Variants in CNTNAP2 observed in about 807,000 individuals in gnomAD.
The protein encoded by CNTNAP2 is contactin associated protein 2.
A neutral mutation model predicts 155.2 loss-of-function variants in CNTNAP2; 98 were observed. The ratio of observed to expected loss-of-function variants is 0.63; its 90% CI spans 0.54 to 0.75. The LOEUF (loss-of-function observed/expected upper bound fraction) is 0.75. Ranked by LOEUF, CNTNAP2 falls within the 30% of genes least tolerant of loss-of-function variation. CNTNAP2 has a pLI of 0.00. For synonymous variants in CNTNAP2, 651 were observed against 631.2 expected, an observed-to-expected ratio of 1.03 and a Z score of -0.47; for missense variants, 1,727 against 1,688.1, an observed-to-expected ratio of 1.02 and a Z score of -0.40.
chr7:147,082,414 A>G (rs1800154134), intron 4 of CNTNAP2: 1 of 152,186 alleles, frequency 6.6e-6, no homozygotes, highest in Non-Finnish European at 1.5e-5. Context: ...CTCATAACTC[A>G]TTAACCAGAA....
intron 2 of CNTNAP2, among the ~76,000 whole-genome samples, chr7:146,809,646 G>C (rs1198028012): frequency 6.6e-6 from 1 of 151,490 alleles, no homozygotes; most frequent in African/African-American, 2.4e-5. Flanking sequence ...TTATAGGCTT[G>C]AGCCACTGCA....
chr7:148,057,710 A>G (rs898217862), intron 15 of CNTNAP2, among the ~76,000 whole-genome samples: 1 of 152,204 alleles, frequency 6.6e-6, no homozygotes, highest in Non-Finnish European at 1.5e-5. Context: ...AAGGTTAAAC[A>G]TTCTTGATAA....
At chr7:146,672,726 T>G (rs1800331837) in intron 1 of CNTNAP2, among the ~76,000 whole-genome samples, 1 of 152,220 alleles carries the variant, frequency 6.6e-6, no homozygotes, top group South Asian at 2.1e-4. Flanking sequence ...CACTGTAATG[T>G]TGGAATGTGT....
In CNTNAP2 at chr7:146,134,839, C is replaced by G. The variant is rs571986067; in HGVS notation, c.97+17866C>G. ...AGTATTTTATTGAGGATTTTTGCAT[C>G]AATGTTCATCAAGGATATTGGTCTA... On this transcript the variant is annotated intron_variant, in intron 1 of 23. Coordinates refer to ENST00000361727, the MANE Select transcript of CNTNAP2 (RefSeq NM_014141.6). 1.0e-3 allele frequency among the ~76,000 whole-genome samples: 159 copies of G among 151,738 alleles called. 1 individual carries two copies. Among genetic ancestry groups the G allele is most frequent in the African/African-American group, 3.6e-3 (150 of 41,420 alleles).
intron 13 of CNTNAP2, among the ~76,000 whole-genome samples, chr7:147,803,799 C>G (rs1211129844): frequency 2.0e-5 from 3 of 152,202 alleles, no homozygotes; most frequent in Non-Finnish European, 4.4e-5. Context: ...CACACAGAGA[C>G]AGCTGCCTTA....
intron 16 of CNTNAP2, among the ~76,000 whole-genome samples, chr7:148,134,333 G>A (rs1032442177): frequency 3.3e-5 from 5 of 152,172 alleles, no homozygotes; most frequent in Admixed American, 2.6e-4. Flanking sequence ...TCTGTCAAGT[G>A]TAATTATAAC....
chr7:146,872,129 T>C (rs1015093522), intron 3 of CNTNAP2, among the ~76,000 whole-genome samples: 1 of 151,578 alleles, frequency 6.6e-6, no homozygotes, highest in Non-Finnish European at 1.5e-5. Context: ...TTGGTACTTA[T>C]CTCTTTCCCT....
chr7:146,908,794 CTA>C (rs1314780998), intron 3 of CNTNAP2, among the ~76,000 whole-genome samples: 1 of 139,488 alleles, frequency 7.2e-6, no homozygotes, highest in Non-Finnish European at 1.6e-5. Flanking sequence ...CAAGAAATAA[CTA>C]AAATCAGAGC....
chr7:147,694,247 T>A (rs989147383), intron 13 of CNTNAP2, among the ~76,000 whole-genome samples: 1 of 152,066 alleles, frequency 6.6e-6, no homozygotes, highest in Non-Finnish European at 1.5e-5. Flanking sequence ...CATTGCTGGA[T>A]TGGATATGCT....
chr7:146,500,355 A>C (rs2129133117), intron 1 of CNTNAP2, among the ~76,000 whole-genome samples: 1 of 152,320 alleles, frequency 6.6e-6, no homozygotes, highest in East Asian at 1.9e-4. Flanking sequence ...TCAGTCTCAA[A>C]CCATCTGCCT....
chr7:147,004,135 T>G (rs2129241878), intron 3 of CNTNAP2, among the ~76,000 whole-genome samples: 1 of 151,112 alleles, frequency 6.6e-6, no homozygotes, highest in East Asian at 1.9e-4. Context: ...AGGAAATATA[T>G]TTGGTTAGAT....
At chr7:147,690,812 C>G (rs1584902168) in intron 13 of CNTNAP2, among the ~76,000 whole-genome samples, 1 of 151,640 alleles carries the variant, frequency 6.6e-6, no homozygotes, top group African/African-American at 2.4e-5. Context: ...TTGTATTGAC[C>G]TTAAATTGTG....
chr7:147,258,296 A>G (rs958220610), intron 8 of CNTNAP2, among the ~76,000 whole-genome samples: 7 of 152,306 alleles, frequency 4.6e-5, no homozygotes, highest in African/African-American at 1.7e-4. Context: ...ATGTTTGGTG[A>G]TCAGATCAGA....
At chr7:148,160,740 G>GT (rs1023622858) in intron 17 of CNTNAP2, among the ~76,000 whole-genome samples, 5 of 152,128 alleles carry the variant, frequency 3.3e-5, no homozygotes, top group African/African-American at 4.8e-5. Flanking sequence ...TGAAGGTGTT[G>GT]TTTTTTGGTT....
rs186382832 is a variant in CNTNAP2 at position 148,383,952 on chromosome 7, A to G, written c.3715+64A>G. The G allele has an allele frequency of 3.2e-6, 5 of 1,557,126 alleles. No homozygotes were observed. The African/African-American group carries it at 4.1e-5, about 13-fold the overall frequency. Reference sequence around the variant, plus strand: ...CTTTAAACCTCAGTCTCTTGGGACTATGGAATGGATTTAATAACAGAACCT... The same window carrying G: ...CTTTAAACCTCAGTCTCTTGGGACTGTGGAATGGATTTAATAACAGAACCT... On this transcript the variant is annotated intron_variant, in intron 22 of 23. Transcript: ENST00000361727.
intron 1 of CNTNAP2, among the ~76,000 whole-genome samples, chr7:146,196,341 T>C (rs1428883237): frequency 2.6e-5 from 4 of 152,146 alleles, no homozygotes; most frequent in African/African-American, 9.7e-5. Flanking sequence ...TTAGTTCATG[T>C]TTGTCATAAC....
At chr7:147,591,719 T>A (rs1227339262) in intron 12 of CNTNAP2, among the ~76,000 whole-genome samples, 2 of 152,196 alleles carry the variant, frequency 1.3e-5, no homozygotes, top group Non-Finnish European at 2.9e-5. Flanking sequence ...TTATTCTGCT[T>A]GAATCTTTGA....
intron 18 of CNTNAP2, among the ~76,000 whole-genome samples, chr7:148,200,932 C>T (rs1006435106): frequency 5.3e-5 from 8 of 152,006 alleles, no homozygotes; most frequent in African/African-American, 9.7e-5. Context: ...AATGGTAGAG[C>T]CTTTGTAATT....
At chr7:147,887,332 G>A (rs1799618960) in intron 13 of CNTNAP2, among the ~76,000 whole-genome samples, 1 of 152,158 alleles carries the variant, frequency 6.6e-6, no homozygotes, top group Non-Finnish European at 1.5e-5. Context: ...TTAGCCAGAT[G>A]TGGTGGCAGG....
Sources: gnomAD v4.1 joint callset for allele counts (sites outside exome capture counted in the v4.1 genomes callset) on GRCh38, gnomAD v4.1.1 for gene constraint, MANE v1.5 for transcripts, NCBI Gene and HGNC (gene_info 2026-07-23, HGNC 2026-07-21) for gene names.